The following TNNI3K variants were observed in gnomAD, a reference collection of about 807,000 sequenced individuals.
The protein encoded by TNNI3K is serine/threonine-protein kinase TNNI3K.
TNNI3K carries 140 observed loss-of-function variants against 114.5 expected under a neutral mutation model. The ratio of observed to expected loss-of-function variants is 1.22; its 90% CI spans 1.07 to 1.41. TNNI3K has a LOEUF of 1.41. TNNI3K is among the 40% of genes most tolerant of loss of function. TNNI3K has a pLI of 0.00. For synonymous variants in TNNI3K, 347 were observed against 347.5 expected (o/e 1.00, Z 0.02); for missense variants, 1,125 against 1,007.6 (o/e 1.12, Z -1.58).
At chr1:74,296,893 C>T (rs879671991) in intron 5 of TNNI3K, among the ~76,000 whole-genome samples, 3 of 151,992 alleles carry the variant, frequency 2.0e-5, no homozygotes, top group Admixed American at 6.6e-5. Flanking sequence ...ATGATATTCC[C>T]AGTGATGATT....
chr1:74,531,032 G>A (rs1343778763), intron 23 of TNNI3K, among the ~76,000 whole-genome samples: 6 of 152,132 alleles, frequency 3.9e-5, no homozygotes, highest in Admixed American at 2.6e-4. Context: ...AAAAATGGGG[G>A]AAGCTGAGAC....
At chr1:74,351,483 C>T (rs1442324419) in intron 9 of TNNI3K, among the ~76,000 whole-genome samples, 3 of 152,008 alleles carry the variant, frequency 2.0e-5, no homozygotes, top group Admixed American at 6.6e-5. Flanking sequence ...TTGTGGCGTT[C>T]TCTGTATTTC....
chr1:74,327,939 A>G (rs1659998865), intron 5 of TNNI3K, among the ~76,000 whole-genome samples: 1 of 151,660 alleles, frequency 6.6e-6, no homozygotes, highest in South Asian at 2.1e-4. Context: ...AAAATTCAAA[A>G]TAACAGAATA....
intron 20 of TNNI3K, among the ~76,000 whole-genome samples, chr1:74,460,996 C>T (rs910438505): frequency 1.3e-5 from 2 of 152,030 alleles, no homozygotes; most frequent in Non-Finnish European, 2.9e-5. Context: ...ATGACTAGTC[C>T]CTCCCCACCC....
intron 23 of TNNI3K, among the ~76,000 whole-genome samples, chr1:74,506,876 T>C (rs1441484830): frequency 1.3e-5 from 2 of 152,202 alleles, no homozygotes; most frequent in African/African-American, 4.8e-5. Flanking sequence ...AAAGATTCAC[T>C]GTCTTCTCGG....
intron 23 of TNNI3K, among the ~76,000 whole-genome samples, chr1:74,515,981 A>T (rs1242380863): frequency 6.6e-6 from 1 of 152,160 alleles, no homozygotes; most frequent in Non-Finnish European, 1.5e-5. Context: ...CTTTGCAGAA[A>T]ATGTAAATGG....
intron 17 of TNNI3K, chr1:74,375,672 C>T (rs1467756374): frequency 4.4e-6 from 2 of 452,024 alleles, no homozygotes; most frequent in Non-Finnish European, 8.9e-6. Flanking sequence ...ACTTTGACAC[C>T]CTATGATATC....
intron 5 of TNNI3K, among the ~76,000 whole-genome samples, chr1:74,273,169 A>G (rs1357018186): frequency 6.6e-6 from 1 of 151,982 alleles, no homozygotes; most frequent in African/African-American, 2.4e-5. Flanking sequence ...GGGCTCTTAC[A>G]TTCAATACAA....
intron 6 of TNNI3K, among the ~76,000 whole-genome samples, chr1:74,334,937 A>C (rs1210668789): frequency 1.3e-5 from 2 of 152,224 alleles, no homozygotes; most frequent in Non-Finnish European, 2.9e-5. Flanking sequence ...TAAAGAGAGC[A>C]AATGACAAAA....
chr1:74,380,482 C>A (rs914282684), intron 17 of TNNI3K, among the ~76,000 whole-genome samples: 10 of 152,166 alleles, frequency 6.6e-5, no homozygotes, highest in African/African-American at 2.4e-4. Flanking sequence ...TGTCACCTTC[C>A]CGCACCCACA....
chr1:74,270,901 C>T (rs919188707), intron 4 of TNNI3K, among the ~76,000 whole-genome samples: 2 of 151,346 alleles, frequency 1.3e-5, no homozygotes, highest in Non-Finnish European at 3.0e-5. Flanking sequence ...AATATTATTT[C>T]ATGTATCTCC....
chr1:74,346,977 T>C (rs1473652481), intron 9 of TNNI3K, among the ~76,000 whole-genome samples: 2 of 151,564 alleles, frequency 1.3e-5, no homozygotes, highest in Non-Finnish European at 2.9e-5. Flanking sequence ...TTAAATTAAA[T>C]ACCTATTTAT....
chr1:74,348,758 T>G (rs1228120563), intron 9 of TNNI3K, among the ~76,000 whole-genome samples: 123 of 151,586 alleles, frequency 8.1e-4, no homozygotes, highest in African/African-American at 2.7e-3. Context: ...CTCTGAAGCA[T>G]TTGTGAATGG....
intron 7 of TNNI3K, among the ~76,000 whole-genome samples, chr1:74,339,863 G>GA (rs1052601524): frequency 6.6e-6 from 1 of 151,842 alleles, no homozygotes; most frequent in Non-Finnish European, 1.5e-5. Flanking sequence ...GTTAAAAATT[G>GA]AAAAAATTAA....
At chr1:74,392,805 G>A (rs1663860403) in intron 17 of TNNI3K, among the ~76,000 whole-genome samples, 1 of 152,160 alleles carries the variant, frequency 6.6e-6, no homozygotes, top group Non-Finnish European at 1.5e-5. Flanking sequence ...AATTGCAAAG[G>A]AGCTACATTA....
rs34656417 is a variant in TNNI3K, at chr1:74,391,957, A to ATTTTTTTTTTTTTTTTTTT, written c.1772+21573_1772+21591dup. ...TTGATTTAGGATGGTACAGCTTATTATTTTTTTTTTTTTTTTTTTTTTTTT... is the reference window on the plus strand; with the variant it reads ...TTGATTTAGGATGGTACAGCTTATTATTTTTTTTTTTTTTTTTTTTTTTTTTTTTTTTTTTTTTTTTTTT... On this transcript the variant is annotated intron_variant, in intron 17 of 24. Coordinates refer to ENST00000326637, the MANE Select transcript of TNNI3K (RefSeq NM_015978.3). Among the ~76,000 whole-genome samples the ATTTTTTTTTTTTTTTTTTT allele has an allele frequency of 2.4e-4, 22 of 93,034 alleles. 1 individual carries two copies. Among genetic ancestry groups the ATTTTTTTTTTTTTTTTTTT allele is most frequent in the African/African-American group, 4.7e-4 (12 of 25,694 alleles). The allele number at this position is 93,034 out of a possible 152,430, so 61.0% of individuals were successfully genotyped here. A position where few individuals can be genotyped will look rare whatever the true frequency, so the allele number is the denominator to read the frequency against.
chr1:74,331,762 G>A (rs45525534), intron 6 of TNNI3K, among the ~76,000 whole-genome samples: 4 of 152,292 alleles, frequency 2.6e-5, no homozygotes, highest in Non-Finnish European at 4.4e-5. Flanking sequence ...ACACAAAGAG[G>A]CAGAAAAGTA....
chr1:74,380,629 C>A (rs1298333549), intron 17 of TNNI3K, among the ~76,000 whole-genome samples: 1 of 152,102 alleles, frequency 6.6e-6, no homozygotes, highest in Non-Finnish European at 1.5e-5. Flanking sequence ...ATTTTCTATT[C>A]TTTGGGGATA....
At chr1:74,509,043 C>A (rs1280287713) in intron 23 of TNNI3K, among the ~76,000 whole-genome samples, 1 of 152,186 alleles carries the variant, frequency 6.6e-6, no homozygotes, top group Admixed American at 6.5e-5. Context: ...GAAATGAAAG[C>A]CTGTGTCTAT....
Sources: allele counts gnomAD v4.1 joint callset (sites outside exome capture counted in the v4.1 genomes callset), GRCh38; gene constraint gnomAD v4.1.1; transcripts MANE v1.5; gene names NCBI Gene and HGNC (gene_info 2026-07-23, HGNC 2026-07-21).